Variants in ARHGAP10 observed in about 807,000 individuals in gnomAD.
The protein encoded by ARHGAP10 is rho GTPase-activating protein 10.
Under a neutral mutation model 108.6 loss-of-function variants are expected in ARHGAP10, and 87 were observed. That is an observed-to-expected ratio of 0.80 (90% CI 0.67 to 0.96). ARHGAP10 has a LOEUF of 0.96. Among genes scored for constraint, ARHGAP10 ranks in the 40% least tolerant of loss-of-function variants. The pLI, the probability that ARHGAP10 is intolerant of heterozygous loss-of-function variation, is 0.00. For missense variants in ARHGAP10, 939 were observed against 954.5 expected, an observed-to-expected ratio of 0.98 and a Z score of 0.21; for synonymous variants, 347 against 341.1, an observed-to-expected ratio of 1.02 and a Z score of -0.19.
At chr4:148,036,323 A>C (rs890682164) in intron 19 of ARHGAP10, among the ~76,000 whole-genome samples, 2 of 152,088 alleles carry the variant, frequency 1.3e-5, no homozygotes, top group South Asian at 2.1e-4. Flanking sequence ...TTCCTTAGCC[A>C]TTTCAGTTGA....
At chr4:147,811,641 G>A (rs986819930) in intron 1 of ARHGAP10, among the ~76,000 whole-genome samples, 2 of 151,236 alleles carry the variant, frequency 1.3e-5, no homozygotes, top group Non-Finnish European at 2.9e-5. Flanking sequence ...CTTTTGAGGG[G>A]GGAGCTTACC....
chr4:147,772,030 T>C (rs1730104813), intron 1 of ARHGAP10, among the ~76,000 whole-genome samples: 1 of 152,196 alleles, frequency 6.6e-6, no homozygotes, highest in African/African-American at 2.4e-5. Flanking sequence ...GACCTCGGGA[T>C]CTGCCCTCCT....
chr4:148,023,724 AAAATT>A (rs1440098843), intron 19 of ARHGAP10, among the ~76,000 whole-genome samples: 2 of 152,176 alleles, frequency 1.3e-5, no homozygotes, highest in Admixed American at 1.3e-4. Context: ...AAGGGGAACT[AAAATT>A]AAAGCAGATC....
At chr4:147,907,128 T>C (rs1460756686) in intron 11 of ARHGAP10, among the ~76,000 whole-genome samples, 1 of 152,228 alleles carries the variant, frequency 6.6e-6, no homozygotes, top group African/African-American at 2.4e-5. Flanking sequence ...ATTGTTTTGC[T>C]TGATGTAACA....
At chr4:147,759,270 T>C (rs1209358879) in intron 1 of ARHGAP10, among the ~76,000 whole-genome samples, 1 of 152,192 alleles carries the variant, frequency 6.6e-6, no homozygotes, top group African/African-American at 2.4e-5. Flanking sequence ...ATTTTACTCT[T>C]AGAGAAACAG....
chr4:147,974,706 A>G (rs1739528191), intron 18 of ARHGAP10, among the ~76,000 whole-genome samples: 1 of 152,208 alleles, frequency 6.6e-6, no homozygotes, highest in African/African-American at 2.4e-5. Flanking sequence ...ACTAGCCTGT[A>G]TTAGTCTGTT....
In ARHGAP10 at chr4:147,793,325, T is replaced by A. The variant is rs866414045; in HGVS notation, c.155-29402T>A. Among the ~76,000 whole-genome samples, 1,034 of 151,300 alleles carry A rather than the reference T, an allele frequency of 6.8e-3. 10 individuals are homozygous for A. The highest frequency in any genetic ancestry group is 0.035 in the East Asian group (183 of 5,180). ...ACACACATATATATATATATATTTT[T>A]TTTTTTTTACAAATGTACAGTTGTG... is the stretch of plus-strand genomic sequence containing the variant. On this transcript the variant is annotated intron_variant, in intron 1 of 22. Transcript: ENST00000336498.
intron 19 of ARHGAP10, among the ~76,000 whole-genome samples, chr4:148,025,560 T>A (rs895194546): frequency 3.3e-5 from 5 of 151,986 alleles, no homozygotes; most frequent in African/African-American, 1.2e-4. Flanking sequence ...AGGGTCTATA[T>A]TTTGTCATAG....
chr4:147,889,965 C>G (rs1340663268), intron 10 of ARHGAP10, among the ~76,000 whole-genome samples: 6 of 152,186 alleles, frequency 3.9e-5, no homozygotes, highest in Non-Finnish European at 8.8e-5. Context: ...TGATATAATC[C>G]TGCTCTCTCG....
chr4:147,976,967 A>G (rs761884661), intron 18 of ARHGAP10, among the ~76,000 whole-genome samples: 16 of 152,242 alleles, frequency 1.1e-4, no homozygotes, highest in Non-Finnish European at 2.4e-4. Context: ...TTCACTAGAA[A>G]GAAGAACTTC....
intron 1 of ARHGAP10, among the ~76,000 whole-genome samples, chr4:147,811,248 T>G (rs966402036): frequency 1.3e-5 from 2 of 152,246 alleles, no homozygotes; most frequent in African/African-American, 4.8e-5. Context: ...TGTCCTCTTG[T>G]GAGAATTCTC....
chr4:147,930,489 C>T (rs1290804400), intron 13 of ARHGAP10, among the ~76,000 whole-genome samples: 1 of 152,128 alleles, frequency 6.6e-6, no homozygotes, highest in Non-Finnish European at 1.5e-5. Flanking sequence ...GAAAGAACTT[C>T]TTGGCCTATT....
At chr4:147,902,102 A>C (rs908978512) in intron 10 of ARHGAP10, among the ~76,000 whole-genome samples, 1 of 152,220 alleles carries the variant, frequency 6.6e-6, no homozygotes, top group African/African-American at 2.4e-5. Flanking sequence ...TTCTTGGAGC[A>C]ACAGCTTTCA....
chr4:147,831,873 C>T (rs572413268), intron 3 of ARHGAP10, among the ~76,000 whole-genome samples: 8 of 152,326 alleles, frequency 5.3e-5, no homozygotes, highest in African/African-American at 1.9e-4. Context: ...CTGTCTCCTT[C>T]TTGGACCCCT....
At chr4:147,732,732 G>A (rs1032054240) in intron 1 of ARHGAP10, among the ~76,000 whole-genome samples, 1 of 151,616 alleles carries the variant, frequency 6.6e-6, no homozygotes, top group South Asian at 2.1e-4. Flanking sequence ...GGCCCCGGCC[G>A]AACACCCCTC....
intron 13 of ARHGAP10, among the ~76,000 whole-genome samples, chr4:147,921,161 G>T (rs1737216350): frequency 6.6e-6 from 1 of 152,224 alleles, no homozygotes; most frequent in Admixed American, 6.5e-5. Context: ...ACAGCCGAAT[G>T]ATTTTGCTGA....
At chr4:148,071,890 CCT>C (rs1373677627) in intron 22 of ARHGAP10, 101 bp from the exon 23 acceptor site, 10 of 904,226 alleles carry the variant, frequency 1.1e-5, no homozygotes, top group Admixed American at 2.4e-5. Context: ...AGAAGTGGCC[CCT>C]GTTCTCTACT....
chr4:147,894,606 A>AT (rs139234121), intron 10 of ARHGAP10, among the ~76,000 whole-genome samples: 6,738 of 151,976 alleles, frequency 0.044, 518 homozygotes, highest in African/African-American at 0.15. Context: ...ACCAAGAAAT[A>AT]TTTTTTTTAC....
At chr4:147,825,836 T>C (rs984171964) in intron 3 of ARHGAP10, among the ~76,000 whole-genome samples, 3 of 152,252 alleles carry the variant, frequency 2.0e-5, no homozygotes, top group Admixed American at 6.5e-5. Flanking sequence ...ATTGAGCGCA[T>C]ACCTATTGAT....
Sources: gnomAD v4.1 joint callset for allele counts (sites outside exome capture counted in the v4.1 genomes callset) on GRCh38, gnomAD v4.1.1 for gene constraint, MANE v1.5 for transcripts, NCBI Gene and HGNC (gene_info 2026-07-23, HGNC 2026-07-21) for gene names.